PCDHGB2: variants seen among roughly 807,000 people sequenced by gnomAD.
The protein encoded by PCDHGB2 is protocadherin gamma-B2.
Under a neutral mutation model 59.3 loss-of-function variants are expected in PCDHGB2, and 55 were observed. The observed-to-expected ratio is 0.93, with a 90% confidence interval of 0.75 to 1.16. PCDHGB2 has a LOEUF of 1.16. PCDHGB2 is among the 50% of genes most tolerant of loss of function. The probability of loss-of-function intolerance (pLI) is 0.00; values close to 1 mark genes in which losing one functional copy is unlikely to be tolerated. For missense variants in PCDHGB2, 1,228 were observed against 1,198.5 expected (o/e 1.02, Z -0.36); for synonymous variants, 516 against 512.0 (o/e 1.01, Z -0.11).
Position 141,366,924 on chromosome 5 carries a change from G to C in PCDHGB2, c.2421+4368G>C, listed in dbSNP as rs1764867617. On this transcript the variant is annotated intron_variant, in intron 1 of 3. Coordinates refer to ENST00000522605, the MANE Select transcript of PCDHGB2 (RefSeq NM_018923.3). ...CTTTCTCCATTTGTTTTCAAATTCT[G>C]TTTTGGGAAGTCTAGCTGATATCTG... is the stretch of plus-strand genomic sequence containing the variant. 5 of 997,638 alleles carry C rather than the reference G, an allele frequency of 5.0e-6. No homozygotes were observed. In the East Asian group the frequency reaches 1.3e-4, roughly 27 times the overall value. 61.8% of individuals were successfully genotyped at this position (997,638 alleles called of 1,614,324 possible).
intron 1 of PCDHGB2, among the ~76,000 whole-genome samples, chr5:141,397,814 C>G (rs1325713795): frequency 6.6e-6 from 1 of 152,200 alleles, no homozygotes; most frequent in Non-Finnish European, 1.5e-5. Flanking sequence ...CACACAAAAA[C>G]AATTACTGCA....
chr5:141,371,370 C>T, intron 1 of PCDHGB2: 1 of 1,613,934 alleles, frequency 6.2e-7, no homozygotes, highest in Non-Finnish European at 8.5e-7. Flanking sequence ...GGATGGTGGA[C>T]ATCACACTGC....
intron 1 of PCDHGB2, chr5:141,385,590 CT>C: frequency 8.0e-7 from 1 of 1,252,846 alleles, no homozygotes; most frequent in Non-Finnish European, 1.0e-6. Flanking sequence ...ATGTTCCAAC[CT>C]ACTTTCTTAA....
intron 1 of PCDHGB2, chr5:141,393,481 C>A (rs368525192): frequency 6.2e-7 from 1 of 1,614,066 alleles, no homozygotes; most frequent in Non-Finnish European, 8.5e-7. Flanking sequence ...CCGCCTCGCT[C>A]TAGCACAGTG....
At chr5:141,376,494 C>G (rs1343101587) in intron 1 of PCDHGB2, 12 of 1,614,004 alleles carry the variant, frequency 7.4e-6, no homozygotes, top group Non-Finnish European at 1.0e-5. Context: ...AAAGGAGAAC[C>G]CAGGCAACTT....
intron 1 of PCDHGB2, chr5:141,399,237 A>G: frequency 6.2e-7 from 1 of 1,614,002 alleles, no homozygotes; most frequent in South Asian, 1.1e-5. Context: ...TACATGACCA[A>G]GATTCTGGGG....
intron 1 of PCDHGB2, among the ~76,000 whole-genome samples, chr5:141,458,065 G>A (rs55848374): frequency 0.098 from 14,910 of 152,232 alleles, 965 homozygotes; most frequent in Non-Finnish European, 0.14. Flanking sequence ...GCACTGATGC[G>A]AACAACTATA....
In PCDHGB2 at chr5:141,491,359, G is replaced by C. The variant is rs764159829; in HGVS notation, c.2422-3448G>C. 3 of 1,614,154 alleles carry C rather than the reference G, an allele frequency of 1.9e-6. No homozygotes were observed. In the East Asian group the frequency reaches 6.7e-5, roughly 36 times the overall value. On this transcript the variant is annotated intron_variant, in intron 1 of 3. Coordinates refer to ENST00000522605, the MANE Select transcript of PCDHGB2 (RefSeq NM_018923.3). This position sits in a 1 kb window ranked among gnomAD's most constrained non-coding sequence, Gnocchi z 6.9. ...AGCGACCGTCAGTCTCTTATCCCTA[G>C]TCACCTTCACCTTTCTGTCAGCGAA...
intron 1 of PCDHGB2, chr5:141,374,792 G>A (rs1588751016): frequency 6.2e-7 from 1 of 1,613,898 alleles, no homozygotes; most frequent in Non-Finnish European, 8.5e-7. Context: ...AGATGTGAAT[G>A]ACAACACTCC....
chr5:141,360,127 AG>A lies in PCDHGB2; in HGVS notation c.-8del. ...CTCCTATGGGCAAAGGAGCAAAGGG[AG>A]CCAGAAGATGAAAGCGAGCTCAGGG... On this transcript the variant is annotated 5_prime_UTR_variant, in exon 1 of 4. Transcript: ENST00000522605. 2.5e-6 allele frequency: 4 copies of A among 1,586,256 alleles called. No individual in the cohort carries two copies. Among genetic ancestry groups the A allele is most frequent in the Non-Finnish European group, 2.6e-6 (3 of 1,164,148 alleles).
chr5:141,455,133 C>G (rs1172825339), intron 1 of PCDHGB2, among the ~76,000 whole-genome samples: 2 of 151,392 alleles, frequency 1.3e-5, no homozygotes, highest in African/African-American at 4.9e-5. Context: ...TTAAATTACA[C>G]TGTGTTAAAT....
chr5:141,381,720 T>G (rs1777381403), intron 1 of PCDHGB2, among the ~76,000 whole-genome samples: 1 of 152,132 alleles, frequency 6.6e-6, no homozygotes, highest in Non-Finnish European at 1.5e-5. Context: ...CTCACAAGAC[T>G]GGGAGTGAGA....
At chr5:141,458,632 C>T (rs779075931) in intron 1 of PCDHGB2, among the ~76,000 whole-genome samples, 1 of 151,898 alleles carries the variant, frequency 6.6e-6, no homozygotes, top group Non-Finnish European at 1.5e-5. Context: ...TGCAGTGGCA[C>T]AATCCCAGCT....
chr5:141,454,628 AC>A (rs1272822911), intron 1 of PCDHGB2, among the ~76,000 whole-genome samples: 2 of 151,334 alleles, frequency 1.3e-5, no homozygotes, highest in Non-Finnish European at 2.9e-5. Context: ...CTGGTCTCGA[AC>A]CCCCAACCTC....
chr5:141,439,212 T>G (rs1391791892), intron 1 of PCDHGB2, among the ~76,000 whole-genome samples: 1 of 150,642 alleles, frequency 6.6e-6, no homozygotes, highest in Non-Finnish European at 1.5e-5. Context: ...AAAATCCATA[T>G]GTGAAAATTC....
rs2099641960 is a variant in PCDHGB2 at position 141,487,259 on chromosome 5, T to C, written c.2422-7548T>C. On this transcript the variant is annotated intron_variant, in intron 1 of 3. Coordinates refer to ENST00000522605, the MANE Select transcript of PCDHGB2 (RefSeq NM_018923.3). This position sits in a 1 kb window ranked among gnomAD's most constrained non-coding sequence, Gnocchi z 5.0. ...TCGTCTAACCCTCTACTTGGCTGTG[T>C]CCCTAGTGGCAATTTGCTTTGTCTC... 6.2e-7 allele frequency: 1 copy of C among 1,614,132 alleles called. No homozygotes were observed. Among genetic ancestry groups the C allele is most frequent in the Non-Finnish European group, 8.5e-7 (1 of 1,180,012 alleles).
At chr5:141,468,560 T>TA (rs2099169084) in intron 1 of PCDHGB2, 1 of 152,004 alleles carries the variant, frequency 6.6e-6, no homozygotes, top group Non-Finnish European at 1.5e-5. Context: ...ATTTGTGATA[T>TA]AGTAAACAAT....
At position 141,432,963 on chromosome 5, in the gene PCDHGB2, C is replaced by T. The variant is rs1382354299; in HGVS notation, c.2422-61844C>T. 1.5e-5 allele frequency: 24 copies of T among 1,614,046 alleles called. 1 individual carries two copies. In the South Asian group the frequency reaches 2.3e-4, roughly 16 times the overall value. On this transcript the variant is annotated intron_variant, in intron 1 of 3. Transcript: ENST00000522605. The surrounding 1 kb of genome is among the most constrained non-coding windows in gnomAD (Gnocchi z 6.0). ...GCTTCAGGAGGCGGCTTGACAGGAG[C>T]GCCGGCGTCGCACTTTGTGGGCGTG...
intron 1 of PCDHGB2, among the ~76,000 whole-genome samples, chr5:141,430,066 G>C (rs550834063): frequency 6.6e-6 from 1 of 151,984 alleles, no homozygotes; most frequent in Non-Finnish European, 1.5e-5. Flanking sequence ...TCATTTTTAG[G>C]TTTCCATAAT....
Sources: allele counts gnomAD v4.1 joint callset (sites outside exome capture counted in the v4.1 genomes callset), GRCh38; gene constraint gnomAD v4.1.1; non-coding constraint Gnocchi (gnomAD v3.1); transcripts MANE v1.5; gene names NCBI Gene and HGNC (gene_info 2026-07-23, HGNC 2026-07-21).